ADAMTS13: variants seen among roughly 807,000 people sequenced by gnomAD.
The protein encoded by ADAMTS13 is ADAM metallopeptidase with thrombospondin type 1 motif 13.
ADAMTS13 carries 110 observed loss-of-function variants against 155.1 expected under a neutral mutation model. That is an observed-to-expected ratio of 0.71 (90% CI 0.61 to 0.83). ADAMTS13 has a LOEUF of 0.83. ADAMTS13 is among the 40% of genes least tolerant of loss of function. The pLI, the probability that ADAMTS13 is intolerant of heterozygous loss-of-function variation, is 0.00. For missense variants in ADAMTS13, 1,707 were observed against 1,891.7 expected, an observed-to-expected ratio of 0.90 and a Z score of 1.81; for synonymous variants, 758 against 756.4, an observed-to-expected ratio of 1.00 and a Z score of -0.03.
chr9:133,414,359 A>G (rs782343372), exon 1 of ADAMTS13: 3 of 585,118 alleles, frequency 5.1e-6, no homozygotes, highest in South Asian at 4.6e-5. Flanking sequence ...CAAACCACCC[A>G]ACTGGCGAGA....
Position 133,436,885 on chromosome 9 carries a change from C to A in ADAMTS13, c.1365C>A (p.Gly455=). The change falls in exon 12 of 29, where the codon GGC becomes GGA. Residue 455 remains glycine (G), a synonymous_variant. Coordinates refer to ENST00000355699, the MANE Select transcript of ADAMTS13 (RefSeq NM_139027.6). The part of the protein sequence containing the change: ...FMSQQCARTD[G]QPLRSSPGGA... ...CGCAACAGTGCGCCAGGACCGACGG[C>A]CAGCCGCTGCGCTCCTCCCCTGGCG... is the stretch of plus-strand genomic sequence containing the variant. The A allele has an allele frequency of 6.3e-7, 1 of 1,586,072 alleles. No individual in the cohort carries two copies. Among genetic ancestry groups the A allele is most frequent in the Non-Finnish European group, 8.6e-7 (1 of 1,166,872 alleles).
intron 11 of ADAMTS13, among the ~76,000 whole-genome samples, chr9:133,434,116 AAAAG>A (rs1428006508): frequency 6.6e-6 from 1 of 151,734 alleles, no homozygotes; most frequent in African/African-American, 2.4e-5. Context: ...TAAAAATTAA[AAAAG>A]AGAGAGAAGG....
chr9:133,448,353 C>T (rs1048235492), intron 21 of ADAMTS13, among the ~76,000 whole-genome samples: 1 of 152,218 alleles, frequency 6.6e-6, no homozygotes, highest in African/African-American at 2.4e-5. Context: ...GTGTGCCAGG[C>T]ACTTGTTATC....
intron 1 of ADAMTS13, chr9:133,414,694 A>G (rs781812502): frequency 6.2e-7 from 1 of 1,613,998 alleles, no homozygotes; most frequent in Non-Finnish European, 8.5e-7. Flanking sequence ...CTGCCTCCTT[A>G]GCTTTCCGCT....
Position 133,454,600 on chromosome 9 carries a change from A to G in ADAMTS13, c.3230A>G (p.His1077Arg), listed in dbSNP as rs1483712586. Residue 1077 changes from histidine (H) to arginine (R), a missense_variant, in exon 24 of 29, where the codon CAT (histidine) becomes CGT (arginine). Physicochemically the swap from His to Arg is conservative, Grantham distance 29. Transcript: ENST00000355699. ...ATTGCCGACTGCACCTACCGCTGGC[A>G]TGTTGGCACCTGGATGGAGGTGAGC... is the stretch of plus-strand genomic sequence containing the variant. Reference protein sequence around the residue: ...CLIADCTYRWHVGTWMECSVS... With the variant: ...CLIADCTYRWRVGTWMECSVS... 6.2e-6 allele frequency: 10 copies of G among 1,603,332 alleles called. No homozygotes were observed. The highest frequency in any genetic ancestry group is 7.6e-6 in the Non-Finnish European group (9 of 1,179,446).
chr9:133,440,235 G>A lies in ADAMTS13; in HGVS notation c.1787-109G>A, dbSNP rs1240879269. On this transcript the variant is annotated intron_variant, in intron 15 of 28. Transcript: ENST00000355699. This position sits in a 1 kb window ranked among gnomAD's most constrained non-coding sequence, Gnocchi z 4.3. ...GAAGCCTCTAGCTCAGATGCCTGTG[G>A]CTCCTTAGAGGAGGGCTGGGGACCC... is the stretch of plus-strand genomic sequence containing the variant. 17 of 1,386,862 alleles carry A rather than the reference G, an allele frequency of 1.2e-5. No homozygotes were observed. In the Admixed American group the frequency reaches 2.9e-4, roughly 24 times the overall value. 85.9% of individuals were successfully genotyped at this position (1,386,862 alleles called of 1,614,324 possible).
Position 133,438,248 on chromosome 9 carries a change from AT to A in ADAMTS13, c.1590del (p.Phe530LeufsTer45). On this transcript the variant is annotated frameshift_variant, in exon 14 of 29. Transcript: ENST00000355699. LOFTEE classifies it high-confidence loss of function. ...SLCVSGSCRT[F>X]GCDGRMDSQQ... ...CCTCTGTCCTTCCCTTTGCATAGAC[AT>A]TTGGCTGTGATGGTAGGATGGACTC... 3.1e-6 allele frequency: 5 copies of A among 1,614,088 alleles called. No individual in the cohort carries two copies. Among genetic ancestry groups the A allele is most frequent in the Non-Finnish European group, 4.2e-6 (5 of 1,180,010 alleles).
Position 133,459,303 on chromosome 9 carries a change from A to C in ADAMTS13, c.*123A>C. 1 of 1,032,182 alleles carries C rather than the reference A, an allele frequency of 9.7e-7. No individual in the cohort carries two copies. The highest frequency in any genetic ancestry group is 1.5e-6 in the Non-Finnish European group (1 of 683,532). 63.9% of individuals were successfully genotyped at this position (1,032,182 alleles called of 1,614,324 possible). ...TACTTTAGAGTCTTCTCCAATGTCC[A>C]AAAGGCTAGGGGGTTGGAGGTGGGG... On this transcript the variant is annotated 3_prime_UTR_variant, in exon 29 of 29. Coordinates refer to ENST00000355699, the MANE Select transcript of ADAMTS13 (RefSeq NM_139027.6).
Position 133,440,627 on chromosome 9 carries a change from T to C in ADAMTS13, c.1968+102T>C. 1.5e-6 allele frequency: 2 copies of C among 1,360,184 alleles called. No individual in the cohort carries two copies. The highest frequency in any genetic ancestry group is 2.0e-6 in the Non-Finnish European group (2 of 1,016,872). The allele number at this position is 1,360,184 out of a possible 1,614,324, so 84.3% of individuals were successfully genotyped here. On this transcript the variant is annotated intron_variant, in intron 16 of 28. Coordinates refer to ENST00000355699, the MANE Select transcript of ADAMTS13 (RefSeq NM_139027.6). This position sits in a 1 kb window ranked among gnomAD's most constrained non-coding sequence, Gnocchi z 4.3. ...ATCCATTCCCTGATTCGTTCATTTA[T>C]TCATTCAGCGGTCACTTACAGGGGA...
chr9:133,415,485 T>A lies in ADAMTS13; in HGVS notation n.287+841T>A, dbSNP rs587771607. Among the ~76,000 whole-genome samples, 86 of 149,618 alleles carry A rather than the reference T, an allele frequency of 5.7e-4. 1 individual carries two copies. In the South Asian group the frequency reaches 0.018, roughly 32 times the overall value. ...TCAGGAAGGTGGGGGGTGTCATAAATGAAAAGAAAAGCTTCTGTCAAACTG... is the reference window on the plus strand; with the variant it reads ...TCAGGAAGGTGGGGGGTGTCATAAAAGAAAAGAAAAGCTTCTGTCAAACTG... On this transcript the variant is annotated intron_variant and non_coding_transcript_variant, in intron 1 of 17. Transcript: ENST00000485925.
At chr9:133,446,194 A>T (rs1842055465) in intron 21 of ADAMTS13, among the ~76,000 whole-genome samples, 1 of 152,162 alleles carries the variant, frequency 6.6e-6, no homozygotes, top group African/African-American at 2.4e-5. Context: ...AGATATTATA[A>T]AATTTACCAT....
chr9:133,426,916 A>ACCTCAG (rs1040052030), intron 6 of ADAMTS13, among the ~76,000 whole-genome samples: 1 of 151,506 alleles, frequency 6.6e-6, no homozygotes, highest in African/African-American at 2.4e-5. Flanking sequence ...TGATTCTCCC[A>ACCTCAG]CCTCAGCCTC....
chr9:133,457,862 G>A (rs782113930), intron 27 of ADAMTS13, 48 bp from the exon 28 acceptor site: 16 of 1,611,420 alleles, frequency 9.9e-6, no homozygotes, highest in Non-Finnish European at 1.3e-5. Flanking sequence ...CTGGCCTCTG[G>A]CACCACCGGT....
chr9:133,433,260 G>A, intron 9 of ADAMTS13, 118 bp from the exon 10 acceptor site: 12 of 1,406,530 alleles, frequency 8.5e-6, no homozygotes, highest in Non-Finnish European at 1.2e-5. Flanking sequence ...GTCGCTGTGG[G>A]TGGGGTCCCT....
upstream of ADAMTS13, chr9:133,417,808 G>T: frequency 1.9e-6 from 3 of 1,606,070 alleles, no homozygotes; most frequent in Non-Finnish European, 2.5e-6. Flanking sequence ...GGGCTGCTCG[G>T]GGCGCGCTTG....
At position 133,449,977 on chromosome 9, in the gene ADAMTS13, G is replaced by T. The variant is rs782382770; in HGVS notation, c.3044+12G>T. The T allele has an allele frequency of 3.2e-6, 5 of 1,585,632 alleles. No homozygotes were observed. The South Asian group carries it at 5.7e-5, about 18-fold the overall frequency. On this transcript the variant is annotated intron_variant, in intron 23 of 28. Coordinates refer to ENST00000355699, the MANE Select transcript of ADAMTS13 (RefSeq NM_139027.6). Reference sequence around the variant, plus strand: ...CCCTGCCCACCTAGGTGAGTCAGCCGGTGATGGGAGGGGCAGCTCCTGGTG... The same window carrying T: ...CCCTGCCCACCTAGGTGAGTCAGCCTGTGATGGGAGGGGCAGCTCCTGGTG...
chr9:133,449,094 A>G (rs782306945), intron 22 of ADAMTS13, among the ~76,000 whole-genome samples: 3 of 152,130 alleles, frequency 2.0e-5, no homozygotes, highest in Admixed American at 6.5e-5. Flanking sequence ...GGGGGAGTTT[A>G]ATGAAAGGAT....
rs971607454 is a variant in ADAMTS13 at position 133,441,895 on chromosome 9, C to T, written c.1969-504C>T. Among the ~76,000 whole-genome samples, 18 of 151,510 alleles carry T rather than the reference C, an allele frequency of 1.2e-4. No homozygotes were observed. The highest frequency in any genetic ancestry group is 4.1e-4 in the African/African-American group (17 of 41,400). On this transcript the variant is annotated intron_variant, in intron 16 of 28. Coordinates refer to ENST00000355699, the MANE Select transcript of ADAMTS13 (RefSeq NM_139027.6). The surrounding 1 kb of genome is among the most constrained non-coding windows in gnomAD (Gnocchi z 5.0). Reference sequence around the variant, plus strand: ...CTTAGCCCAGCCTAAGGTGGGCCTGCCTCCTCCACTGCACTTTATCCTCTA... The same window carrying T: ...CTTAGCCCAGCCTAAGGTGGGCCTGTCTCCTCCACTGCACTTTATCCTCTA...
intron 21 of ADAMTS13, among the ~76,000 whole-genome samples, chr9:133,446,498 A>G (rs1027342999): frequency 6.6e-6 from 1 of 152,198 alleles, no homozygotes; most frequent in African/African-American, 2.4e-5. Context: ...ATGTTGTAGC[A>G]TGTGTGAGTG....
Sources: allele counts gnomAD v4.1 joint callset (sites outside exome capture counted in the v4.1 genomes callset), GRCh38; gene constraint gnomAD v4.1.1; non-coding constraint Gnocchi (gnomAD v3.1); transcripts MANE v1.5; gene names NCBI Gene and HGNC (gene_info 2026-07-23, HGNC 2026-07-21).